The following ADGRB1 variants were observed in gnomAD, a reference collection of about 807,000 sequenced individuals.
ADGRB1 encodes the protein adhesion G protein-coupled receptor B1, also known as brain-specific angiogenesis inhibitor 1.
A neutral mutation model predicts 175.7 loss-of-function variants in ADGRB1; 36 were observed. The ratio of observed to expected loss-of-function variants is 0.20; its 90% CI spans 0.16 to 0.27. The LOEUF (loss-of-function observed/expected upper bound fraction) is 0.27, where lower values mean the gene tolerates loss of function less well. Ranked by LOEUF, ADGRB1 falls within the 10% of genes least tolerant of loss-of-function variation. The pLI is 1.00. For missense variants in ADGRB1, 1,731 were observed against 2,255.3 expected (o/e 0.77, Z 4.71); for synonymous variants, 1,054 against 979.4 (o/e 1.08, Z -1.42).
At chr8:142,465,476 G>A (rs1435157250) in intron 2 of ADGRB1, among the ~76,000 whole-genome samples, 1 of 152,050 alleles carries the variant, frequency 6.6e-6, no homozygotes, top group Non-Finnish European at 1.5e-5. Context: ...TGGAAGGGTC[G>A]GCAGGTGGGC....
intron 2 of ADGRB1, among the ~76,000 whole-genome samples, chr8:142,466,693 G>A (rs1344835181): frequency 5.3e-5 from 8 of 152,224 alleles, no homozygotes; most frequent in Non-Finnish European, 1.2e-4. Flanking sequence ...GCAGGGATGA[G>A]TGTCAGGGGG....
At chr8:142,501,155 C>T (rs941030150) in intron 17 of ADGRB1, among the ~76,000 whole-genome samples, 1 of 152,090 alleles carries the variant, frequency 6.6e-6, no homozygotes, top group Non-Finnish European at 1.5e-5. Context: ...GTGGAGGTGA[C>T]GCTGGTGACC....
chr8:142,463,640 G>A (rs1021110630), intron 1 of ADGRB1, among the ~76,000 whole-genome samples: 2 of 152,240 alleles, frequency 1.3e-5, no homozygotes, highest in African/African-American at 4.8e-5. Flanking sequence ...GCAGGCCAGG[G>A]CCCCCGGGAG....
Position 142,464,078 on chromosome 8 carries a change from CTTG to C in ADGRB1, c.-120_-118del. 2 of 628,270 alleles carry C rather than the reference CTTG, an allele frequency of 3.2e-6. No individual in the cohort carries two copies. The highest frequency in any genetic ancestry group is 2.1e-6 in the Non-Finnish European group (1 of 472,312). 38.9% of individuals were successfully genotyped at this position (628,270 alleles called of 1,614,324 possible). ...AAGCGGGGCCCTCTCCCATCCCACC[CTTG>C]CCCCGCCTCCCTGCCCCCACCGGGC... On this transcript the variant is annotated 5_prime_UTR_variant, in exon 2 of 31. Transcript: ENST00000517894.
intron 2 of ADGRB1, among the ~76,000 whole-genome samples, chr8:142,465,831 G>C (rs942869759): frequency 6.6e-6 from 1 of 152,344 alleles, no homozygotes; most frequent in Non-Finnish European, 1.5e-5. Context: ...AAGAGAGAAC[G>C]GCAAGTGGCG....
At chr8:142,508,945 G>A (rs1262071349) in intron 17 of ADGRB1, among the ~76,000 whole-genome samples, 5 of 152,348 alleles carry the variant, frequency 3.3e-5, no homozygotes, top group African/African-American at 7.2e-5. Context: ...GCCGGCTCCC[G>A]GGCCTCCTCT....
intron 18 of ADGRB1, among the ~76,000 whole-genome samples, chr8:142,513,433 C>T (rs34667135): frequency 0.059 from 9,061 of 152,288 alleles, 375 homozygotes; most frequent in African/African-American, 0.12. Flanking sequence ...ACCTCTTCCT[C>T]CTCAGCAAGG....
chr8:142,529,692 C>T (rs948880713), intron 24 of ADGRB1, among the ~76,000 whole-genome samples: 8 of 124,674 alleles, frequency 6.4e-5, no homozygotes, highest in Non-Finnish European at 1.1e-4. Context: ...GAGCGTGCAT[C>T]GGTGTACCTG....
At chr8:142,540,829 G>A (rs991355791) in intron 27 of ADGRB1, among the ~76,000 whole-genome samples, 1 of 152,048 alleles carries the variant, frequency 6.6e-6, no homozygotes, top group Non-Finnish European at 1.5e-5. Flanking sequence ...GGGAAGGGGC[G>A]GGGCTGAAAA....
chr8:142,518,589 C>T (rs928804231), intron 19 of ADGRB1, among the ~76,000 whole-genome samples: 5 of 152,218 alleles, frequency 3.3e-5, no homozygotes, highest in African/African-American at 1.2e-4. Context: ...CCCAGTCAGG[C>T]CTTAAGGCCC....
chr8:142,490,506 C>T (rs1222597910), intron 16 of ADGRB1, among the ~76,000 whole-genome samples: 1 of 152,230 alleles, frequency 6.6e-6, no homozygotes, highest in African/African-American at 2.4e-5. Context: ...TGCTGCCCAG[C>T]CTGGCCACTG....
Position 142,493,478 on chromosome 8 carries a change from C to A in ADGRB1, c.2675+2663C>A, listed in dbSNP as rs968103372. On this transcript the variant is annotated intron_variant, in intron 17 of 30. Coordinates refer to ENST00000517894, the MANE Select transcript of ADGRB1 (RefSeq NM_001702.3). This position sits in a 1 kb window ranked among gnomAD's most constrained non-coding sequence, Gnocchi z 5.0. ...CCCGCCAGTCACACCAGGTGTTCCA[C>A]CCACCCCGTCACCGGCTGGGTGCGC... is the stretch of plus-strand genomic sequence containing the variant. Among the ~76,000 whole-genome samples, 1 of 152,174 alleles carries A rather than the reference C, an allele frequency of 6.6e-6. No individual in the cohort carries two copies. The highest frequency in any genetic ancestry group is 1.5e-5 in the Non-Finnish European group (1 of 68,028).
chr8:142,462,396 A>G (rs918752595), intron 1 of ADGRB1, among the ~76,000 whole-genome samples: 8 of 152,158 alleles, frequency 5.3e-5, no homozygotes, highest in African/African-American at 1.9e-4. Context: ...CCCACTTTAC[A>G]GATGGAGAAA....
chr8:142,475,376 C>G (rs1056444675), intron 2 of ADGRB1, 98 bp from the exon 3 acceptor site: 1 of 1,191,718 alleles, frequency 8.4e-7, no homozygotes, highest in East Asian at 3.2e-5. Flanking sequence ...CCCTCCCCAC[C>G]CGGGCCGGCC....
chr8:142,526,239 G>T (rs1844176465), intron 23 of ADGRB1, among the ~76,000 whole-genome samples: 1 of 152,194 alleles, frequency 6.6e-6, no homozygotes, highest in Admixed American at 6.5e-5. Flanking sequence ...TCAGCTGCAG[G>T]CTGGCAGGGG....
Position 142,453,042 on chromosome 8 carries a change from CCGCTCGCT to C in ADGRB1, c.-220+2950_-220+2957del, listed in dbSNP as rs528898967. Among the ~76,000 whole-genome samples, 11 of 142,380 alleles carry C rather than the reference CCGCTCGCT, an allele frequency of 7.7e-5. No individual in the cohort carries two copies. In the East Asian group the frequency reaches 8.5e-4, roughly 11 times the overall value. The allele number at this position is 142,380 out of a possible 152,430, so 93.4% of individuals were successfully genotyped here. On this transcript the variant is annotated intron_variant, in intron 1 of 30. Transcript: ENST00000517894. ...ACCTCCCTCCCGCCCGCCCGCCCGC[CCGCTCGCT>C]CGCTCGCTCGCCGTCCGCTCCCGCC...
chr8:142,525,641 C>T (rs541647827), intron 23 of ADGRB1, among the ~76,000 whole-genome samples: 3 of 152,264 alleles, frequency 2.0e-5, no homozygotes, highest in East Asian at 1.9e-4. Flanking sequence ...GAAAGCAGGC[C>T]GGCTGTGTGG....
intron 7 of ADGRB1, 176 bp from the exon 8 acceptor site, chr8:142,479,147 C>T: frequency 1.5e-6 from 1 of 647,000 alleles, no homozygotes; most frequent in Non-Finnish European, 2.3e-6. Flanking sequence ...TGACTGATTT[C>T]TCCTCTCCTG....
intron 7 of ADGRB1, 62 bp downstream of exon 7, chr8:142,478,422 G>C: frequency 6.7e-7 from 1 of 1,494,728 alleles, no homozygotes; most frequent in South Asian, 1.3e-5. Context: ...CTAGGAAGGG[G>C]ACAGGCCCCA....
Sources: gnomAD v4.1 joint callset for allele counts (sites outside exome capture counted in the v4.1 genomes callset) on GRCh38, gnomAD v4.1.1 for gene constraint, Gnocchi (gnomAD v3.1) non-coding constraint, MANE v1.5 for transcripts, NCBI Gene and HGNC (gene_info 2026-07-23, HGNC 2026-07-21) for gene names.